The following RNLS variants were observed in gnomAD, a reference collection of about 807,000 sequenced individuals.
RNLS encodes the protein renalase.
In RNLS, 39 loss-of-function variants were observed where a neutral mutation model predicts 39.8. The observed-to-expected ratio is 0.98, with a 90% CI of 0.76 to 1.28. RNLS has a LOEUF of 1.28. Among genes scored for constraint, RNLS ranks in the 50% most tolerant of loss-of-function variants. The pLI is 0.00. For missense variants in RNLS, 410 were observed against 413.3 expected, an observed-to-expected ratio of 0.99 and a Z score of 0.07; for synonymous variants, 147 against 150.7, an observed-to-expected ratio of 0.98 and a Z score of 0.18.
At chr10:88,455,232 T>C (rs1188867849) in intron 4 of RNLS, among the ~76,000 whole-genome samples, 1 of 150,552 alleles carries the variant, frequency 6.6e-6, no homozygotes, top group African/African-American at 2.5e-5. Flanking sequence ...CTCTTGCAGG[T>C]TGATTGGAAT....
the RNLS span, among the ~76,000 whole-genome samples, chr10:88,219,687 C>T: frequency 6.6e-6 from 1 of 152,110 alleles, no homozygotes; most frequent in African/African-American, 2.4e-5. Flanking sequence ...TATAAAAGCT[C>T]CTCTTAAGGG....
intron 4 of RNLS, among the ~76,000 whole-genome samples, chr10:88,534,908 C>T (rs1847651824): frequency 6.6e-6 from 1 of 152,092 alleles, no homozygotes; most frequent in Non-Finnish European, 1.5e-5. Flanking sequence ...CATTTAGTAG[C>T]AGTGTGACTT....
At chr10:88,512,941 G>GTAA (rs1846211553) in intron 4 of RNLS, among the ~76,000 whole-genome samples, 1 of 152,014 alleles carries the variant, frequency 6.6e-6, no homozygotes, top group Non-Finnish European at 1.5e-5. Flanking sequence ...AGTGCAAATG[G>GTAA]TAATAATAAT....
rs887128635 is a variant in RNLS, at chr10:88,572,822, C to A, written c.526+81G>T. 5.6e-6 allele frequency: 8 copies of A among 1,432,440 alleles called. No homozygotes were observed. The East Asian group carries it at 7.0e-5, about 13-fold the overall frequency. 88.7% of individuals were successfully genotyped at this position (1,432,440 alleles called of 1,614,324 possible). On this transcript the variant is annotated intron_variant, in intron 4 of 6. Transcript: ENST00000331772. ...AATAGAGTCTATCACTTGTCCTTTG[C>A]GAAGAGAGTTAAACCAAATTCATGC... is the stretch of plus-strand genomic sequence containing the variant.
chr10:88,219,611 A>G, the RNLS span, among the ~76,000 whole-genome samples: 8 of 152,132 alleles, frequency 5.3e-5, no homozygotes, highest in South Asian at 1.5e-3. Context: ...CCTTAGTCAT[A>G]TGGTTGCTTT....
the RNLS span, among the ~76,000 whole-genome samples, chr10:88,227,060 A>G: frequency 2.6e-5 from 4 of 152,162 alleles, no homozygotes; most frequent in African/African-American, 9.7e-5. Flanking sequence ...TCATTTAGTT[A>G]TTATCTATGG....
intron 4 of RNLS, among the ~76,000 whole-genome samples, chr10:88,552,093 T>C (rs993452129): frequency 1.3e-5 from 2 of 152,190 alleles, no homozygotes; most frequent in Non-Finnish European, 2.9e-5. Context: ...CACATTATCT[T>C]ATTTATTAAT....
At chr10:88,458,429 A>T (rs1039148550) in intron 4 of RNLS, among the ~76,000 whole-genome samples, 3 of 151,750 alleles carry the variant, frequency 2.0e-5, no homozygotes, top group African/African-American at 7.3e-5. Context: ...CTATCTCTAA[A>T]CACTTCCTAC....
chr10:88,442,906 C>T (rs1453371770), intron 4 of RNLS, among the ~76,000 whole-genome samples: 1 of 152,128 alleles, frequency 6.6e-6, no homozygotes, highest in African/African-American at 2.4e-5. Flanking sequence ...ATTTCATGTC[C>T]CTTGGGTATG....
intron 4 of RNLS, among the ~76,000 whole-genome samples, chr10:88,492,710 C>A (rs921431638): frequency 3.3e-5 from 5 of 151,980 alleles, no homozygotes; most frequent in Admixed American, 6.6e-5. Flanking sequence ...TGAGCCACTG[C>A]GCCTGGCCCT....
At chr10:88,231,637 C>T in the RNLS span, among the ~76,000 whole-genome samples, 1 of 152,148 alleles carries the variant, frequency 6.6e-6, no homozygotes, top group Non-Finnish European at 1.5e-5. Flanking sequence ...CTAAGGTGAC[C>T]TTTGGGGACA....
At position 88,582,183 on chromosome 10, in the gene RNLS, C is replaced by T; in HGVS notation, c.224+19G>A. On this transcript the variant is annotated intron_variant, in intron 2 of 6. Transcript: ENST00000331772. ...CACACAACTGCTAAGATTGATTCCACTCCTTGCAACTAACTCACCGTTGGT... is the reference window on the plus strand; with the variant it reads ...CACACAACTGCTAAGATTGATTCCATTCCTTGCAACTAACTCACCGTTGGT... 1.9e-6 allele frequency: 3 copies of T among 1,582,384 alleles called. No homozygotes were observed. Among genetic ancestry groups the T allele is most frequent in the Non-Finnish European group, 2.6e-6 (3 of 1,152,914 alleles).
chr10:88,542,390 T>C (rs1019421180), intron 4 of RNLS, among the ~76,000 whole-genome samples: 2 of 152,024 alleles, frequency 1.3e-5, no homozygotes, highest in African/African-American at 4.8e-5. Context: ...AAATATACCC[T>C]TGTTTGTCTT....
At chr10:88,320,713 T>A (rs1414910957) in intron 5 of RNLS, among the ~76,000 whole-genome samples, 1 of 149,680 alleles carries the variant, frequency 6.7e-6, no homozygotes, top group African/African-American at 2.5e-5. Flanking sequence ...AAGGGTATTA[T>A]ATAATGATAA....
intron 4 of RNLS, among the ~76,000 whole-genome samples, chr10:88,550,917 C>T (rs1848575600): frequency 6.6e-6 from 1 of 152,074 alleles, no homozygotes; most frequent in Non-Finnish European, 1.5e-5. Flanking sequence ...TGGCATTTGC[C>T]CGAGGTAACC....
chr10:88,471,417 G>T (rs983174043), intron 4 of RNLS, among the ~76,000 whole-genome samples: 4 of 152,110 alleles, frequency 2.6e-5, no homozygotes, highest in African/African-American at 9.7e-5. Flanking sequence ...TTTTCAGAGA[G>T]GCCTTTTCCA....
chr10:88,518,987 G>C (rs536191162), intron 4 of RNLS, among the ~76,000 whole-genome samples: 1 of 152,146 alleles, frequency 6.6e-6, no homozygotes, highest in Admixed American at 6.6e-5. Context: ...TCATAAAGGA[G>C]AAAACTAATA....
chr10:88,414,941 A>G (rs1297619973), intron 4 of RNLS, among the ~76,000 whole-genome samples: 1 of 152,138 alleles, frequency 6.6e-6, no homozygotes, highest in Non-Finnish European at 1.5e-5. Flanking sequence ...TCTGAGAAAG[A>G]TGGGTAGAGA....
At chr10:88,432,255 T>C (rs1855178940) in intron 4 of RNLS, among the ~76,000 whole-genome samples, 1 of 151,872 alleles carries the variant, frequency 6.6e-6, no homozygotes, top group Non-Finnish European at 1.5e-5. Context: ...ACCTACTTTG[T>C]CTAATGTTTA....
Sources: allele counts gnomAD v4.1 joint callset (sites outside exome capture counted in the v4.1 genomes callset), GRCh38; gene constraint gnomAD v4.1.1; transcripts MANE v1.5; gene names NCBI Gene and HGNC (gene_info 2026-07-23, HGNC 2026-07-21).